The following ABCG8 variants were observed in gnomAD, a reference collection of about 807,000 sequenced individuals.
The protein encoded by ABCG8 is ATP-binding cassette sub-family G member 8.
In ABCG8, 81 loss-of-function variants were observed where a neutral mutation model predicts 71.3. The observed-to-expected ratio is 1.14, with a 90% confidence interval of 0.95 to 1.37. The LOEUF (loss-of-function observed/expected upper bound fraction) is 1.37. Among genes scored for constraint, ABCG8 ranks in the 40% most tolerant of loss-of-function variants. The pLI is 0.00. For synonymous variants in ABCG8, 451 were observed against 354.7 expected (o/e 1.27, Z -3.05); for missense variants, 1,119 against 866.2 (o/e 1.29, Z -3.66).
At chr2:43,854,009 A>G (rs1457638226) in intron 6 of ABCG8, among the ~76,000 whole-genome samples, 1 of 152,222 alleles carries the variant, frequency 6.6e-6, no homozygotes, top group East Asian at 1.9e-4. Context: ...CAGGCCAGCC[A>G]TCCCCAGAAT....
chr2:43,842,118 C>G (rs1377401190), intron 1 of ABCG8, among the ~76,000 whole-genome samples: 1 of 152,092 alleles, frequency 6.6e-6, no homozygotes, highest in Non-Finnish European at 1.5e-5. Context: ...GATTCTCCTG[C>G]CTCAACCTCT....
Position 43,871,987 on chromosome 2 carries a change from A to G in ABCG8, c.976A>G (p.Ser326Gly). Residue 326 changes from serine (S) to glycine (G), a missense_variant, in exon 7 of 13, where the codon AGC (serine) becomes GGC (glycine). By Grantham distance (56) the Ser-to-Gly change is moderately conservative. Transcript: ENST00000272286. The stretch of plus-strand genomic sequence containing the variant: ...TCCCCTGCTTGCAGTGGACCTGACC[A>G]GCATTGACAGGCGCAGCAGAGAGCA... ...NPADFYVDLT[S>G]IDRRSREQEL... 2 of 1,614,090 alleles carry G rather than the reference A, an allele frequency of 1.2e-6. No homozygotes were observed. The highest frequency in any genetic ancestry group is 1.7e-6 in the Non-Finnish European group (2 of 1,180,046).
Position 43,880,658 on chromosome 2 carries a change from G to A in ABCG8, c.*2745G>A, listed in dbSNP as rs1481057975. On this transcript the variant is annotated 3_prime_UTR_variant, in exon 13 of 13. Coordinates refer to ENST00000272286, the MANE Select transcript of ABCG8 (RefSeq NM_022437.3). ...GTGAACAGAGTTAGGGAGTGTGTGT[G>A]TGTGTGCGCGCGCGCGCGCGCATGT... The A allele has an allele frequency of 6.6e-6, 1 of 152,122 alleles. No homozygotes were observed. The highest frequency in any genetic ancestry group is 1.9e-4 in the East Asian group (1 of 5,168). The allele number at this position is 152,122 out of a possible 1,614,324, so 9.4% of individuals were successfully genotyped here. A position where few individuals can be genotyped will look rare whatever the true frequency, so the allele number is the denominator to read the frequency against.
rs371593275 is a variant in ABCG8, at chr2:43,875,157, G to T, written c.1500G>T (p.Glu500Asp). Reference protein sequence around the residue: ...GPYFFAKILGELPEHCAYIII... With the variant: ...GPYFFAKILGDLPEHCAYIII... Reference sequence around the variant, plus strand: ...GCTGTTCTTTGCAGATCCTCGGGGAGCTTCCGGAGCACTGTGCCTACATCA... The same window carrying T: ...GCTGTTCTTTGCAGATCCTCGGGGATCTTCCGGAGCACTGTGCCTACATCA... The change falls in exon 11 of 13, where the codon GAG becomes GAT. Residue 500 changes from glutamate (E) to aspartate (D), a missense_variant. Physicochemically the swap from Glu to Asp is conservative, Grantham distance 45. Transcript: ENST00000272286. The T allele has an allele frequency of 2.5e-6, 4 of 1,614,120 alleles. No homozygotes were observed. The African/African-American group carries it at 4.0e-5, about 16-fold the overall frequency.
At chr2:43,841,106 A>C (rs1315316914) in intron 1 of ABCG8, among the ~76,000 whole-genome samples, 1 of 152,210 alleles carries the variant, frequency 6.6e-6, no homozygotes, top group Non-Finnish European at 1.5e-5. Flanking sequence ...ATGTTTCGAT[A>C]AAATTTCTTC....
intron 1 of ABCG8, among the ~76,000 whole-genome samples, chr2:43,843,516 C>T (rs965296125): frequency 6.6e-6 from 1 of 151,842 alleles, no homozygotes; most frequent in African/African-American, 2.4e-5. Context: ...CCTGTCTCTA[C>T]AAAAAATACA....
chr2:43,845,948 T>G (rs1668730016), intron 2 of ABCG8, among the ~76,000 whole-genome samples: 2 of 152,172 alleles, frequency 1.3e-5, no homozygotes. Context: ...TCTTCTTATC[T>G]TCAGACCTAG....
rs1285534233 is a variant in ABCG8, at chr2:43,880,457, A to T, written c.*2544A>T. ...CCAAAGTGTTGGGATTACAGGTGTG[A>T]CCCACCGCACCTGGTGTCACAGGTT... On this transcript the variant is annotated 3_prime_UTR_variant, in exon 13 of 13. Transcript: ENST00000272286. 1 of 152,132 alleles carries T rather than the reference A, an allele frequency of 6.6e-6. No individual in the cohort carries two copies. Among genetic ancestry groups the T allele is most frequent in the Non-Finnish European group, 1.5e-5 (1 of 68,042 alleles). 9.4% of individuals were successfully genotyped at this position (152,132 alleles called of 1,614,324 possible).
intron 3 of ABCG8, among the ~76,000 whole-genome samples, chr2:43,850,292 G>T (rs1470150430): frequency 6.6e-6 from 1 of 152,142 alleles, no homozygotes; most frequent in African/African-American, 2.4e-5. Flanking sequence ...GATGTTCTGA[G>T]CCTGAGCCCA....
chr2:43,839,528 G>A (rs531077111), intron 1 of ABCG8, among the ~76,000 whole-genome samples: 3 of 139,158 alleles, frequency 2.2e-5, no homozygotes, highest in South Asian at 4.8e-4. Context: ...CTAGGTTCAA[G>A]TGATTCTCCT....
At chr2:43,851,209 C>T (rs115805937) in intron 3 of ABCG8, among the ~76,000 whole-genome samples, 99 of 152,312 alleles carry the variant, frequency 6.5e-4, no homozygotes, top group African/African-American at 2.4e-3. Flanking sequence ...TTAACACCAG[C>T]CTGCCTTGGG....
intron 1 of ABCG8, among the ~76,000 whole-genome samples, chr2:43,841,862 T>G (rs761794179): frequency 5.3e-5 from 8 of 152,194 alleles, no homozygotes; most frequent in Non-Finnish European, 8.8e-5. Flanking sequence ...GCCTCCTCCA[T>G]GCCTAAATCC....
intron 3 of ABCG8, among the ~76,000 whole-genome samples, chr2:43,850,504 T>C (rs1050729976): frequency 1.6e-4 from 24 of 152,242 alleles, no homozygotes; most frequent in Non-Finnish European, 2.4e-4. Context: ...GTTTGTTATA[T>C]AGGTAAACTA....
intron 6 of ABCG8, among the ~76,000 whole-genome samples, chr2:43,859,885 C>G (rs4614977): frequency 0.075 from 11,190 of 149,810 alleles, 495 homozygotes; most frequent in African/African-American, 0.11. Context: ...CTCTCACTAT[C>G]TATCTGGATA....
intron 6 of ABCG8, among the ~76,000 whole-genome samples, chr2:43,855,279 T>C (rs1669064231): frequency 6.6e-6 from 1 of 152,180 alleles, no homozygotes; most frequent in Non-Finnish European, 1.5e-5. Flanking sequence ...ACTCTCTGTA[T>C]ATAACTCTCA....
intron 1 of ABCG8, among the ~76,000 whole-genome samples, chr2:43,842,171 G>A (rs922307069): frequency 2.6e-5 from 4 of 152,016 alleles, no homozygotes; most frequent in South Asian, 2.1e-4. Context: ...CACCATGCCC[G>A]GCAATTTTTT....
At chr2:43,865,231 T>C (rs908970043) in intron 6 of ABCG8, among the ~76,000 whole-genome samples, 14 of 145,050 alleles carry the variant, frequency 9.7e-5, no homozygotes, top group African/African-American at 3.6e-4. Flanking sequence ...TGCATGGAAC[T>C]CTCACTATCT....
chr2:43,850,839 G>C (rs1012976298), intron 3 of ABCG8, among the ~76,000 whole-genome samples: 1 of 151,706 alleles, frequency 6.6e-6, no homozygotes. Flanking sequence ...GAACTCGGGA[G>C]GCAGAGATTG....
intron 10 of ABCG8, 114 bp downstream of exon 10, chr2:43,874,597 G>A: frequency 1.2e-6 from 1 of 860,800 alleles, no homozygotes; most frequent in South Asian, 1.3e-5. Context: ...TGGGTCATGT[G>A]AAGTCACCGA....
Sources: allele counts gnomAD v4.1 joint callset (sites outside exome capture counted in the v4.1 genomes callset), GRCh38; gene constraint gnomAD v4.1.1; transcripts MANE v1.5; gene names NCBI Gene and HGNC (gene_info 2026-07-23, HGNC 2026-07-21).